Variants in TPTE2 observed in about 807,000 individuals in gnomAD.
TPTE2 encodes transmembrane phosphoinositide 3-phosphatase and tensin homolog 2, also known as phosphatidylinositol 3,4,5-trisphosphate 3-phosphatase TPTE2.
A neutral mutation model predicts 78.6 loss-of-function variants in TPTE2; 53 were observed. The observed-to-expected ratio is 0.67, with a 90% confidence interval of 0.54 to 0.85. The LOEUF (loss-of-function observed/expected upper bound fraction) is 0.85. Among genes scored for constraint, TPTE2 ranks in the 40% least tolerant of loss-of-function variants. The pLI, the probability that TPTE2 is intolerant of heterozygous loss-of-function variation, is 0.00. For synonymous variants in TPTE2, 175 were observed against 206.2 expected (o/e 0.85, Z 1.30); for missense variants, 461 against 623.0 (o/e 0.74, Z 2.77).
chr13:19,548,435 G>A, the TPTE2 span, among the ~76,000 whole-genome samples: 2 of 151,090 alleles, frequency 1.3e-5, no homozygotes, highest in Non-Finnish European at 2.9e-5. Context: ...CTTCTTTAGG[G>A]TTTTATGGTA....
the TPTE2 span, among the ~76,000 whole-genome samples, chr13:19,543,608 A>C: frequency 6.6e-6 from 1 of 152,110 alleles, no homozygotes; most frequent in Non-Finnish European, 1.5e-5. Context: ...CACCCCCCTC[A>C]GCCTCCCAAA....
At chr13:19,489,393 C>T (rs1013079758) in intron 3 of TPTE2, among the ~76,000 whole-genome samples, 2 of 151,544 alleles carry the variant, frequency 1.3e-5, no homozygotes, top group Non-Finnish European at 2.9e-5. Flanking sequence ...ACAAGATATA[C>T]CTGCATATAC....
intron 13 of TPTE2, among the ~76,000 whole-genome samples, chr13:19,445,873 G>A (rs761542993): frequency 3.9e-5 from 6 of 152,186 alleles, no homozygotes; most frequent in African/African-American, 4.8e-5. Context: ...CGCAGGAGGC[G>A]GAGGTTGCAA....
chr13:19,561,327 C>T, the TPTE2 span: 4 of 676,770 alleles, frequency 5.9e-6, no homozygotes, highest in Non-Finnish European at 9.4e-6. Flanking sequence ...CGGCGGGGGC[C>T]GCTCCACCTC....
the TPTE2 span, among the ~76,000 whole-genome samples, chr13:19,558,652 T>A: frequency 7.4e-4 from 112 of 152,324 alleles, no homozygotes; most frequent in African/African-American, 2.6e-3. Flanking sequence ...CAGTAGCCCT[T>A]CTGAAAAACA....
At chr13:19,443,765 CACACACACACACA>C (rs1178588732) in intron 13 of TPTE2, among the ~76,000 whole-genome samples, 25 of 135,460 alleles carry the variant, frequency 1.8e-4, no homozygotes, top group Non-Finnish European at 3.5e-4. Context: ...CACACACACA[CACACACACACACA>C]CAGTCGTTAA....
the TPTE2 span, among the ~76,000 whole-genome samples, chr13:19,554,179 T>A: frequency 6.6e-6 from 1 of 151,890 alleles, no homozygotes; most frequent in Non-Finnish European, 1.5e-5. Context: ...ATCGAGACCA[T>A]CCTGGCTAAC....
chr13:19,498,167 T>C (rs1211695304), intron 1 of TPTE2, among the ~76,000 whole-genome samples: 2 of 152,076 alleles, frequency 1.3e-5, no homozygotes, highest in Non-Finnish European at 2.9e-5. Context: ...CAAATCTACG[T>C]CTCATTGGTG....
chr13:19,552,585 A>G, the TPTE2 span: 25 of 880,856 alleles, frequency 2.8e-5, no homozygotes, highest in Admixed American at 5.6e-5. Context: ...TTCATTGTTA[A>G]CTGGGAACTC....
At chr13:19,531,679 C>T (rs1171306237) in intron 1 of TPTE2, among the ~76,000 whole-genome samples, 1 of 151,442 alleles carries the variant, frequency 6.6e-6, no homozygotes, top group Non-Finnish European at 1.5e-5. Context: ...GTAATCCCAG[C>T]ACTTTGGGAG....
At chr13:19,439,163 T>C (rs1435078499) in intron 13 of TPTE2, among the ~76,000 whole-genome samples, 2 of 152,252 alleles carry the variant, frequency 1.3e-5, no homozygotes, top group Middle Eastern at 3.4e-3. Context: ...CTCAGATTAA[T>C]GTGTACTCAG....
intron 1 of TPTE2, among the ~76,000 whole-genome samples, chr13:19,494,814 A>G (rs1370350974): frequency 1.3e-5 from 2 of 152,226 alleles, no homozygotes; most frequent in Admixed American, 6.5e-5. Context: ...GCAGAGTCAG[A>G]CACAATGCGT....
chr13:19,438,448 A>T, intron 13 of TPTE2: 1 of 984,846 alleles, frequency 1.0e-6, no homozygotes. Flanking sequence ...GTCTTTTATA[A>T]TTTTTTTGGA....
rs1876742856 is a variant in TPTE2, at chr13:19,432,595, A to G, written c.1117-17T>C. The G allele has an allele frequency of 1.3e-6, 2 of 1,557,986 alleles. No individual in the cohort carries two copies. Among genetic ancestry groups the G allele is most frequent in the African/African-American group, 1.4e-5 (1 of 73,452 alleles). On this transcript the variant is annotated splice_polypyrimidine_tract_variant and intron_variant, in intron 15 of 19. Coordinates refer to ENST00000400230, the Ensembl canonical transcript of TPTE2. ...ATATCTATTCTGAAAAGCAACAGAA[A>G]TCTTCCTTTAAGTGGAGATGAAAAG...
At chr13:19,526,402 C>T (rs913598279) in intron 1 of TPTE2, among the ~76,000 whole-genome samples, 1 of 150,828 alleles carries the variant, frequency 6.6e-6, no homozygotes, top group Non-Finnish European at 1.5e-5. Context: ...AGCCTAAAAG[C>T]CTAAAAGCCT....
At chr13:19,538,222 C>CA (rs1555258287), upstream of TPTE2, among the ~76,000 whole-genome samples, 3 of 150,408 alleles carry the variant, frequency 2.0e-5, no homozygotes, top group African/African-American at 7.3e-5. Context: ...TTGCTTCAAA[C>CA]TTTTTTTTTT....
chr13:19,464,869 A>G (rs962191594), intron 9 of TPTE2, among the ~76,000 whole-genome samples: 1 of 152,232 alleles, frequency 6.6e-6, no homozygotes, highest in Non-Finnish European at 1.5e-5. Flanking sequence ...GGGAACTCCC[A>G]AGGTGCTTTG....
chr13:19,498,043 G>A (rs1478127406), intron 1 of TPTE2, among the ~76,000 whole-genome samples: 2 of 150,816 alleles, frequency 1.3e-5, no homozygotes, highest in Non-Finnish European at 3.0e-5. Flanking sequence ...TGGAAGAAAG[G>A]GTATCAGCAA....
intron 3 of TPTE2, among the ~76,000 whole-genome samples, chr13:19,491,676 T>C (rs1880995155): frequency 6.6e-6 from 1 of 151,830 alleles, no homozygotes; most frequent in Non-Finnish European, 1.5e-5. Context: ...ATACAAAAAA[T>C]TAGACGGGCA....
Sources: allele counts gnomAD v4.1 joint callset (sites outside exome capture counted in the v4.1 genomes callset), GRCh38; gene constraint gnomAD v4.1.1; transcripts MANE v1.5; gene names NCBI Gene and HGNC (gene_info 2026-07-23, HGNC 2026-07-21).